Variants in ZBTB7C observed in about 807,000 individuals in gnomAD.
ZBTB7C encodes zinc finger and BTB domain-containing protein 7C.
A neutral mutation model predicts 25.7 loss-of-function variants in ZBTB7C; 8 were observed. The observed-to-expected ratio is 0.31, with a 90% CI of 0.18 to 0.56. The LOEUF (loss-of-function observed/expected upper bound fraction) is 0.56. Among genes scored for constraint, ZBTB7C ranks in the 20% least tolerant of loss-of-function variants. The probability of loss-of-function intolerance (pLI) is 0.91; values close to 1 mark genes in which losing one functional copy is unlikely to be tolerated. For missense variants in ZBTB7C, 824 were observed against 855.2 expected (o/e 0.96, Z 0.46); for synonymous variants, 394 against 369.0 (o/e 1.07, Z -0.78).
chr18:48,122,596 G>T (rs1019284312), intron 3 of ZBTB7C, among the ~76,000 whole-genome samples: 3 of 152,194 alleles, frequency 2.0e-5, no homozygotes, highest in African/African-American at 7.2e-5. Flanking sequence ...TGGGATCACA[G>T]TAATCCCTGT....
intron 3 of ZBTB7C, among the ~76,000 whole-genome samples, chr18:48,080,998 CT>C (rs1568202442): frequency 6.6e-6 from 1 of 152,260 alleles, no homozygotes; most frequent in African/African-American, 2.4e-5. Context: ...TGAAATTTCC[CT>C]GGGAGCCTGA....
intron 1 of ZBTB7C, among the ~76,000 whole-genome samples, chr18:48,340,954 G>GC (rs934732612): frequency 2.0e-5 from 3 of 152,172 alleles, no homozygotes; most frequent in Admixed American, 6.5e-5. Flanking sequence ...CATTGCGGCA[G>GC]CCCCCCTCCT....
intron 2 of ZBTB7C, among the ~76,000 whole-genome samples, chr18:48,327,459 C>A (rs762460050): frequency 1.1e-4 from 16 of 152,200 alleles, no homozygotes; most frequent in Non-Finnish European, 1.8e-4. Flanking sequence ...GGAGTTCCAG[C>A]CCAGCTTTGC....
intron 2 of ZBTB7C, among the ~76,000 whole-genome samples, chr18:48,223,154 C>T (rs1008903994): frequency 6.6e-6 from 1 of 152,172 alleles, no homozygotes. Context: ...TGGGTTTACA[C>T]TGGGCTCTGC....
intron 3 of ZBTB7C, among the ~76,000 whole-genome samples, chr18:48,117,095 T>C (rs1391123387): frequency 3.3e-5 from 5 of 152,012 alleles, no homozygotes; most frequent in Non-Finnish European, 5.9e-5. Flanking sequence ...TGGCACCTGC[T>C]GCCCACCCCC....
Position 48,108,359 on chromosome 18 carries a change from C to A in ZBTB7C, c.-16-67236G>T, listed in dbSNP as rs1259198414. Among the ~76,000 whole-genome samples the A allele has an allele frequency of 2.0e-5, 3 of 152,148 alleles. No homozygotes were observed. In the East Asian group the frequency reaches 5.8e-4, roughly 29 times the overall value. On this transcript the variant is annotated intron_variant, in intron 3 of 4. Transcript: ENST00000590800. ...AGGCGAGTGGGAGGATCAGCAGCGA[C>A]CACAGGCAGGAAGTACTCCAGAGGG...
intron 2 of ZBTB7C, among the ~76,000 whole-genome samples, chr18:48,334,905 T>C (rs566856696): frequency 6.6e-6 from 1 of 152,276 alleles, no homozygotes; most frequent in South Asian, 2.1e-4. Flanking sequence ...ACTTGGGACC[T>C]GGAGTGGCTG....
At chr18:48,175,258 G>A (rs996047877) in intron 3 of ZBTB7C, among the ~76,000 whole-genome samples, 7 of 152,218 alleles carry the variant, frequency 4.6e-5, no homozygotes, top group African/African-American at 1.7e-4. Context: ...ATGGTGAGGT[G>A]GGGATGAGAG....
At chr18:48,322,188 T>G (rs1023616450) in intron 2 of ZBTB7C, among the ~76,000 whole-genome samples, 1 of 152,202 alleles carries the variant, frequency 6.6e-6, no homozygotes, top group Non-Finnish European at 1.5e-5. Flanking sequence ...GGCTTGCCCA[T>G]AGCCCTCCTA....
At chr18:48,096,811 C>T (rs928567995) in intron 3 of ZBTB7C, among the ~76,000 whole-genome samples, 1 of 152,204 alleles carries the variant, frequency 6.6e-6, no homozygotes, top group Non-Finnish European at 1.5e-5. Flanking sequence ...GATCCTGTCC[C>T]TACCAGGAAC....
chr18:48,036,688 A>G (rs1215279290), intron 4 of ZBTB7C, among the ~76,000 whole-genome samples: 3 of 152,184 alleles, frequency 2.0e-5, no homozygotes, highest in African/African-American at 7.2e-5. Context: ...GCCCAGTCTC[A>G]GGAAGTGGCG....
intron 1 of ZBTB7C, among the ~76,000 whole-genome samples, chr18:48,381,960 T>C (rs751702681): frequency 2.0e-5 from 3 of 152,272 alleles, no homozygotes; most frequent in Non-Finnish European, 4.4e-5. Flanking sequence ...TCAATGTCAA[T>C]TGCATTATTC....
intron 2 of ZBTB7C, among the ~76,000 whole-genome samples, chr18:48,290,471 G>T (rs193098057): frequency 2.6e-5 from 4 of 152,256 alleles, no homozygotes; most frequent in African/African-American, 9.6e-5. Flanking sequence ...TGCAGTGCCA[G>T]GGGCAGGCGT....
intron 1 of ZBTB7C, among the ~76,000 whole-genome samples, chr18:48,401,044 T>TGCA (rs1355656286): frequency 6.6e-6 from 1 of 152,166 alleles, no homozygotes; most frequent in Non-Finnish European, 1.5e-5. Flanking sequence ...TTTTAACAAG[T>TGCA]GCATCTCTCC....
At chr18:48,234,957 TCTTG>T (rs1396004567) in intron 2 of ZBTB7C, among the ~76,000 whole-genome samples, 1 of 152,208 alleles carries the variant, frequency 6.6e-6, no homozygotes, top group South Asian at 2.1e-4. Flanking sequence ...TAATAATGCT[TCTTG>T]CTTAAGAAAT....
At chr18:48,045,017 G>A (rs2036412920) in intron 3 of ZBTB7C, among the ~76,000 whole-genome samples, 1 of 152,252 alleles carries the variant, frequency 6.6e-6, no homozygotes, top group South Asian at 2.1e-4. Flanking sequence ...TGCAGCTCCT[G>A]CCTCTGATCA....
At chr18:48,405,088 C>T (rs537643455) in intron 1 of ZBTB7C, among the ~76,000 whole-genome samples, 44 of 152,290 alleles carry the variant, frequency 2.9e-4, no homozygotes, top group South Asian at 1.2e-3. Flanking sequence ...CAGTGCCTTG[C>T]CAGCTTCCTC....
At chr18:48,172,315 C>T (rs941466901) in intron 3 of ZBTB7C, among the ~76,000 whole-genome samples, 1 of 152,170 alleles carries the variant, frequency 6.6e-6, no homozygotes, top group Non-Finnish European at 1.5e-5. Flanking sequence ...CATGATGGCC[C>T]GTCAGGCAGC....
chr18:48,142,037 CTT>C (rs1201717402), intron 3 of ZBTB7C, among the ~76,000 whole-genome samples: 7 of 152,262 alleles, frequency 4.6e-5, no homozygotes, highest in Non-Finnish European at 4.4e-5. Context: ...CTAAGCTACA[CTT>C]TAACAGCCCT....
Sources: allele counts gnomAD v4.1 joint callset (sites outside exome capture counted in the v4.1 genomes callset), GRCh38; gene constraint gnomAD v4.1.1; transcripts MANE v1.5; gene names NCBI Gene and HGNC (gene_info 2026-07-23, HGNC 2026-07-21).